ARMH4: variants seen among roughly 807,000 people sequenced by gnomAD.
ARMH4 encodes the protein armadillo-like helical domain-containing protein 4.
ARMH4 carries 49 observed loss-of-function variants against 61.9 expected under a neutral mutation model. The observed-to-expected ratio is 0.79, with a 90% CI of 0.63 to 1.00. ARMH4 has a LOEUF of 1.00. Among genes scored for constraint, ARMH4 ranks in the 50% least tolerant of loss-of-function variants. The pLI, the probability that ARMH4 is intolerant of heterozygous loss-of-function variation, is 0.00. For missense variants in ARMH4, 934 were observed against 930.0 expected (o/e 1.00, Z -0.06); for synonymous variants, 368 against 341.5 (o/e 1.08, Z -0.85).
intron 5 of ARMH4, among the ~76,000 whole-genome samples, chr14:58,044,692 G>T (rs1883866012): frequency 6.6e-6 from 1 of 152,088 alleles, no homozygotes; most frequent in Non-Finnish European, 1.5e-5. Context: ...TATAAAATGG[G>T]AGAAAAGTTT....
At chr14:58,130,761 ATG>A (rs1887066866) in intron 4 of ARMH4, among the ~76,000 whole-genome samples, 1 of 152,202 alleles carries the variant, frequency 6.6e-6, no homozygotes, top group Non-Finnish European at 1.5e-5. Flanking sequence ...TAACCCAGAG[ATG>A]TTACTAAGGG....
intron 4 of ARMH4, among the ~76,000 whole-genome samples, chr14:58,098,454 C>A (rs529599258): frequency 6.6e-6 from 1 of 152,332 alleles, no homozygotes; most frequent in South Asian, 2.1e-4. Flanking sequence ...CACCAATAGG[C>A]AGGTGACTCT....
At chr14:58,038,626 T>A (rs1883572449) in intron 5 of ARMH4, among the ~76,000 whole-genome samples, 1 of 151,898 alleles carries the variant, frequency 6.6e-6, no homozygotes, top group Admixed American at 6.6e-5. Context: ...TGTGATACAA[T>A]AGTAAATATG....
At chr14:58,111,348 A>G (rs1393576928) in intron 4 of ARMH4, among the ~76,000 whole-genome samples, 2 of 152,228 alleles carry the variant, frequency 1.3e-5, no homozygotes, top group East Asian at 3.8e-4. Context: ...AGAAATACCA[A>G]TGCAGAAAAA....
At chr14:58,113,995 G>A (rs1017557554) in intron 4 of ARMH4, among the ~76,000 whole-genome samples, 1 of 151,850 alleles carries the variant, frequency 6.6e-6, no homozygotes, top group Non-Finnish European at 1.5e-5. Flanking sequence ...AGTAACAAAG[G>A]TCCTGAGTAA....
chr14:58,125,226 G>A (rs772467297), intron 4 of ARMH4, among the ~76,000 whole-genome samples: 14 of 152,046 alleles, frequency 9.2e-5, no homozygotes, highest in African/African-American at 2.2e-4. Flanking sequence ...AATCCCCTCC[G>A]AGAAACCAAG....
At chr14:58,013,043 T>C (rs909362645) in intron 5 of ARMH4, among the ~76,000 whole-genome samples, 1 of 152,218 alleles carries the variant, frequency 6.6e-6, no homozygotes, top group African/African-American at 2.4e-5. Flanking sequence ...TATATTCTCA[T>C]TTTACCTTCA....
At chr14:58,027,931 T>C (rs1883079706) in intron 5 of ARMH4, among the ~76,000 whole-genome samples, 1 of 152,326 alleles carries the variant, frequency 6.6e-6, no homozygotes, top group Admixed American at 6.5e-5. Flanking sequence ...GAAAGTTTCC[T>C]TGAGCTCTTG....
At chr14:58,127,795 T>A (rs1193826962) in intron 4 of ARMH4, among the ~76,000 whole-genome samples, 4 of 151,892 alleles carry the variant, frequency 2.6e-5, no homozygotes, top group East Asian at 1.9e-4. Context: ...ACCAACTGGC[T>A]CCCCATTTCC....
intron 5 of ARMH4, among the ~76,000 whole-genome samples, chr14:58,049,457 A>G (rs1012188570): frequency 6.6e-6 from 1 of 152,230 alleles, no homozygotes; most frequent in Admixed American, 6.5e-5. Context: ...TTTAGGTTAC[A>G]AAGTAAAAAC....
At chr14:58,050,823 C>T (rs1884112583) in intron 5 of ARMH4, among the ~76,000 whole-genome samples, 2 of 152,058 alleles carry the variant, frequency 1.3e-5, no homozygotes, top group Admixed American at 1.3e-4. Flanking sequence ...TAAACAACAG[C>T]TCTGCAATTT....
chr14:58,093,777 C>G (rs899980087), intron 5 of ARMH4, among the ~76,000 whole-genome samples: 5 of 152,104 alleles, frequency 3.3e-5, no homozygotes, highest in Non-Finnish European at 5.9e-5. Flanking sequence ...GACCCAGATA[C>G]TCCTCAAACA....
At chr14:58,030,541 C>G (rs1453502562) in intron 5 of ARMH4, among the ~76,000 whole-genome samples, 1 of 152,180 alleles carries the variant, frequency 6.6e-6, no homozygotes. Flanking sequence ...ACCGTATATT[C>G]ATAATGTCAT....
At chr14:58,056,433 A>C (rs906856023) in intron 5 of ARMH4, among the ~76,000 whole-genome samples, 1 of 152,250 alleles carries the variant, frequency 6.6e-6, no homozygotes, top group Non-Finnish European at 1.5e-5. Flanking sequence ...AGTTTAATGA[A>C]AGGAAATAAA....
chr14:58,034,628 G>C (rs1165403975), intron 5 of ARMH4, among the ~76,000 whole-genome samples: 4 of 50,840 alleles, frequency 7.9e-5, no homozygotes, highest in African/African-American at 3.1e-4. Context: ...AAAGAGTCAA[G>C]ACCCATCAGT....
intron 5 of ARMH4, among the ~76,000 whole-genome samples, chr14:58,070,749 A>G (rs749171947): frequency 3.9e-5 from 6 of 152,206 alleles, no homozygotes; most frequent in Non-Finnish European, 5.9e-5. Flanking sequence ...AAAATGTACG[A>G]TTAAATTATT....
chr14:58,060,220 C>T lies in ARMH4; in HGVS notation c.2089+36504G>A, dbSNP rs533645905. Among the ~76,000 whole-genome samples the T allele has an allele frequency of 2.6e-5, 4 of 152,328 alleles. No homozygotes were observed. In the South Asian group the frequency reaches 6.2e-4, roughly 24 times the overall value. Reference sequence around the variant, plus strand: ...CATTTGTCTACCTACACTGAAAAGACTGAGTAATTAATTCATCTCTAGACT... The same window carrying T: ...CATTTGTCTACCTACACTGAAAAGATTGAGTAATTAATTCATCTCTAGACT... On this transcript the variant is annotated intron_variant, in intron 5 of 7. Transcript: ENST00000267485.
intron 5 of ARMH4, among the ~76,000 whole-genome samples, chr14:58,018,598 C>T (rs1244077195): frequency 1.3e-5 from 2 of 151,956 alleles, no homozygotes; most frequent in Non-Finnish European, 2.9e-5. Context: ...ATTAGAAAGG[C>T]TATTATCAAA....
At chr14:58,104,288 G>T (rs1886096926) in intron 4 of ARMH4, among the ~76,000 whole-genome samples, 1 of 152,194 alleles carries the variant, frequency 6.6e-6, no homozygotes, top group African/African-American at 2.4e-5. Context: ...AAAGGTCCCT[G>T]ATTTACATGT....
Sources: gnomAD v4.1 joint callset for allele counts (sites outside exome capture counted in the v4.1 genomes callset) on GRCh38, gnomAD v4.1.1 for gene constraint, MANE v1.5 for transcripts, NCBI Gene and HGNC (gene_info 2026-07-23, HGNC 2026-07-21) for gene names.